KCNAB2: variants seen among roughly 807,000 people sequenced by gnomAD.
KCNAB2 encodes the protein voltage-gated potassium channel subunit beta-2.
In KCNAB2, 29 loss-of-function variants were observed where a neutral mutation model predicts 63.6. That is an observed-to-expected ratio of 0.46 (90% CI 0.34 to 0.62). The LOEUF (loss-of-function observed/expected upper bound fraction) is 0.62. Among genes scored for constraint, KCNAB2 ranks in the 20% least tolerant of loss-of-function variants. The probability of loss-of-function intolerance (pLI) is 0.01; values close to 1 mark genes in which losing one functional copy is unlikely to be tolerated. For synonymous variants in KCNAB2, 222 were observed against 224.2 expected (o/e 0.99, Z 0.09); for missense variants, 359 against 563.9 (o/e 0.64, Z 3.68).
At position 6,099,708 on chromosome 1, in the gene KCNAB2, GCTGCACCCCCA is replaced by G. The variant is rs1326676596; in HGVS notation, c.*1136_*1146del. 18 of 1,421,502 alleles carry G rather than the reference GCTGCACCCCCA, an allele frequency of 1.3e-5. No homozygotes were observed. The highest frequency in any genetic ancestry group is 1.6e-5 in the Non-Finnish European group (17 of 1,080,096). The allele number at this position is 1,421,502 out of a possible 1,614,324, so 88.1% of individuals were successfully genotyped here. On this transcript the variant is annotated 3_prime_UTR_variant, in exon 16 of 16. Transcript: ENST00000378083. ...GGTTTTCTGTGCCCATGACTTGGGG[GCTGCACCCCCA>G]CAGCACCCCCACAATGTAGGAAAAG...
intron 15 of KCNAB2, 70 bp downstream of exon 15, chr1:6,097,427 G>A (rs1262702463): frequency 6.5e-7 from 1 of 1,546,296 alleles, no homozygotes; most frequent in Admixed American, 2.0e-5. Flanking sequence ...CATCCTCCCA[G>A]GCTCGTCCTG....
chr1:6,089,075 AG>A, intron 8 of KCNAB2, 24 bp downstream of exon 8: 1 of 1,545,928 alleles, frequency 6.5e-7, no homozygotes, highest in Non-Finnish European at 8.7e-7. Context: ...CGGGCACCTC[AG>A]GGCCCCCATA....
chr1:6,011,444 G>A (rs1228621567), intron 1 of KCNAB2, among the ~76,000 whole-genome samples: 1 of 150,738 alleles, frequency 6.6e-6, no homozygotes, highest in Non-Finnish European at 1.5e-5. Flanking sequence ...AGGGCCAGGT[G>A]TGTGGGAGAG....
chr1:6,033,710 C>T (rs1659817469), upstream of KCNAB2, among the ~76,000 whole-genome samples: 1 of 152,148 alleles, frequency 6.6e-6, no homozygotes, highest in African/African-American at 2.4e-5. Context: ...GGGAGCCTAC[C>T]GACCTTCCTG....
chr1:6,060,685 A>G (rs1662233580), intron 2 of KCNAB2, among the ~76,000 whole-genome samples: 1 of 152,126 alleles, frequency 6.6e-6, no homozygotes, highest in Non-Finnish European at 1.5e-5. Context: ...GTGGCGGATC[A>G]CAAGGTCAAG....
At chr1:6,033,363 G>A (rs910480585), upstream of KCNAB2, among the ~76,000 whole-genome samples, 2 of 151,554 alleles carry the variant, frequency 1.3e-5, no homozygotes, top group African/African-American at 4.9e-5. Flanking sequence ...GTGTGGGTGT[G>A]TGTGCATATG....
In KCNAB2 at chr1:6,086,018, G is replaced by T; in HGVS notation, c.425+770G>T. ...GCCTATGGGCCCTTCCCAGGCCAAGGTCCTCACCCACCTTGGGACCAACTG... is the reference window on the plus strand; with the variant it reads ...GCCTATGGGCCCTTCCCAGGCCAAGTTCCTCACCCACCTTGGGACCAACTG... On this transcript the variant is annotated intron_variant, in intron 6 of 15. Coordinates refer to ENST00000378083, the MANE Select transcript of KCNAB2 (RefSeq NM_001199862.2). This position sits in a 1 kb window ranked among gnomAD's most constrained non-coding sequence, Gnocchi z 4.2. 1 of 985,414 alleles carries T rather than the reference G, an allele frequency of 1.0e-6. No homozygotes were observed. The highest frequency in any genetic ancestry group is 1.2e-6 in the Non-Finnish European group (1 of 829,952). The allele number at this position is 985,414 out of a possible 1,614,324, so 61.0% of individuals were successfully genotyped here. A position where few individuals can be genotyped will look rare whatever the true frequency, so the allele number is the denominator to read the frequency against.
intron 1 of KCNAB2, among the ~76,000 whole-genome samples, chr1:6,047,952 T>C (rs115486743): frequency 0.03 from 4,456 of 150,828 alleles, 91 homozygotes; most frequent in South Asian, 0.096. Flanking sequence ...GCCGCAGGGC[T>C]CCCACCTGCA....
At chr1:6,094,786 GTCCC>G (rs1188063445) in intron 11 of KCNAB2, among the ~76,000 whole-genome samples, 7 of 152,226 alleles carry the variant, frequency 4.6e-5, no homozygotes, top group African/African-American at 1.7e-4. Context: ...ATTCTAAGGA[GTCCC>G]TGAGAGAGCC....
chr1:6,098,192 T>G, intron 15 of KCNAB2: 1 of 1,133,928 alleles, frequency 8.8e-7, no homozygotes. Context: ...AAGTCCAGCA[T>G]TTGGCCTGGA....
upstream of KCNAB2, chr1:6,045,850 C>T (rs575233307): frequency 3.1e-6 from 3 of 970,590 alleles, no homozygotes; most frequent in Non-Finnish European, 3.7e-6. The surrounding 1 kb of genome is among the most constrained non-coding windows in gnomAD (Gnocchi z 4.8). Context: ...CAGGACCTCC[C>T]CCTCACCTTG....
chr1:6,061,405 C>T (rs938382077), intron 2 of KCNAB2, among the ~76,000 whole-genome samples: 1 of 152,216 alleles, frequency 6.6e-6, no homozygotes, highest in East Asian at 1.9e-4. Context: ...CCGGGCCGGG[C>T]GTGTCCCCAC....
intron 1 of KCNAB2, chr1:6,007,636 A>T (rs1215865435): frequency 6.6e-6 from 1 of 152,344 alleles, no homozygotes; most frequent in Non-Finnish European, 1.5e-5. Context: ...ACCTTGGCTC[A>T]CTTAAAATTT....
In KCNAB2 at chr1:6,097,473, C is replaced by T. The variant is rs1665745472; in HGVS notation, c.1158+116C>T. 2.0e-6 allele frequency: 3 copies of T among 1,520,320 alleles called. No individual in the cohort carries two copies. In the South Asian group the frequency reaches 3.6e-5, roughly 18 times the overall value. 94.2% of individuals were successfully genotyped at this position (1,520,320 alleles called of 1,614,324 possible). On this transcript the variant is annotated intron_variant, in intron 15 of 15. Coordinates refer to ENST00000378083, the MANE Select transcript of KCNAB2 (RefSeq NM_001199862.2). Reference sequence around the variant, plus strand: ...TCTGTTCTAGGCACTCAGGATGCGCCCGTGAACCATCAGAGTTGTGCTCCT... The same window carrying T: ...TCTGTTCTAGGCACTCAGGATGCGCTCGTGAACCATCAGAGTTGTGCTCCT...
At position 6,003,276 on chromosome 1, in the gene KCNAB2, C is replaced by G. The variant is rs1367574532; in HGVS notation, c.-53+10488C>G. Reference sequence around the variant, plus strand: ...GTGGCCGGAGCCTCCTGCGGGATTCCCCATCCCACCCCTGGAACTTGCTTT... The same window carrying G: ...GTGGCCGGAGCCTCCTGCGGGATTCGCCATCCCACCCCTGGAACTTGCTTT... On this transcript the variant is annotated intron_variant, in intron 1 of 16. Transcript: ENST00000341524. The surrounding 1 kb of genome is among the most constrained non-coding windows in gnomAD (Gnocchi z 4.1). Among the ~76,000 whole-genome samples, 1 of 152,178 alleles carries G rather than the reference C, an allele frequency of 6.6e-6. No homozygotes were observed. Among genetic ancestry groups the G allele is most frequent in the East Asian group, 1.9e-4 (1 of 5,182 alleles).
intron 1 of KCNAB2, among the ~76,000 whole-genome samples, chr1:6,014,949 C>T (rs1330617914): frequency 2.0e-5 from 3 of 150,766 alleles, no homozygotes; most frequent in Non-Finnish European, 2.9e-5. Context: ...AGCAGGACAG[C>T]ATGTGCTGTA....
At position 6,069,892 on chromosome 1, in the gene KCNAB2, C is replaced by T. The variant is rs914273866; in HGVS notation, c.219-2863C>T. 1.3e-5 allele frequency among the ~76,000 whole-genome samples: 2 copies of T among 152,138 alleles called. No individual in the cohort carries two copies. The highest frequency in any genetic ancestry group is 2.9e-5 in the Non-Finnish European group (2 of 68,028). On this transcript the variant is annotated intron_variant, in intron 2 of 15. Transcript: ENST00000378083. The surrounding 1 kb of genome is among the most constrained non-coding windows in gnomAD (Gnocchi z 5.4). ...GTCCTGTGGGTGGTGGGTGGAAGAG[C>T]GGCTGAACCCAGAGCCCACTCGGGG...
rs565413244 is a variant in KCNAB2, at chr1:6,049,774, T to G, written c.-26-1737T>G. On this transcript the variant is annotated intron_variant, in intron 1 of 15. Transcript: ENST00000378083. ...GTTCATGCAACAGGCATTTGTAGGCTCTGCTCTGAGCTAGGCCTCATGCTG... is the reference window on the plus strand; with the variant it reads ...GTTCATGCAACAGGCATTTGTAGGCGCTGCTCTGAGCTAGGCCTCATGCTG... Among the ~76,000 whole-genome samples, 4 of 152,342 alleles carry G rather than the reference T, an allele frequency of 2.6e-5. No homozygotes were observed. The East Asian group carries it at 7.7e-4, about 29-fold the overall frequency.
chr1:6,052,413 G>A (rs1291860528), intron 2 of KCNAB2, among the ~76,000 whole-genome samples: 1 of 150,532 alleles, frequency 6.6e-6, no homozygotes, highest in African/African-American at 2.5e-5. Context: ...GTGACAGAGC[G>A]AGACTCCATT....
Sources: gnomAD v4.1 joint callset for allele counts (sites outside exome capture counted in the v4.1 genomes callset) on GRCh38, gnomAD v4.1.1 for gene constraint, Gnocchi (gnomAD v3.1) non-coding constraint, MANE v1.5 for transcripts, NCBI Gene and HGNC (gene_info 2026-07-23, HGNC 2026-07-21) for gene names.